The following PPP2R2B variants were observed in gnomAD, a reference collection of about 807,000 sequenced individuals.
PPP2R2B encodes serine/threonine-protein phosphatase 2A 55 kDa regulatory subunit B beta isoform.
Under a neutral mutation model 46.0 loss-of-function variants are expected in PPP2R2B, and 5 were observed. The ratio of observed to expected loss-of-function variants is 0.11; its 90% CI spans 0.06 to 0.23. PPP2R2B has a LOEUF of 0.23. Among genes scored for constraint, PPP2R2B ranks in the 10% least tolerant of loss-of-function variants. The probability of loss-of-function intolerance (pLI) is 1.00; values close to 1 mark genes in which losing one functional copy is unlikely to be tolerated. For missense variants in PPP2R2B, 367 were observed against 575.0 expected, an observed-to-expected ratio of 0.64 and a Z score of 3.70; for synonymous variants, 215 against 206.7, an observed-to-expected ratio of 1.04 and a Z score of -0.34.
At chr5:146,643,895 A>G (rs1206161387) in intron 6 of PPP2R2B, among the ~76,000 whole-genome samples, 1 of 152,246 alleles carries the variant, frequency 6.6e-6, no homozygotes, top group East Asian at 1.9e-4. Context: ...ACCATGCAGC[A>G]AGTATTTTCA....
At chr5:146,791,462 C>A (rs1342411963) in intron 2 of PPP2R2B, among the ~76,000 whole-genome samples, 1 of 151,982 alleles carries the variant, frequency 6.6e-6, no homozygotes, top group Non-Finnish European at 1.5e-5. Context: ...CTGAGCTAAT[C>A]GGCATATTCC....
rs372118507 is a variant in PPP2R2B at position 147,055,787 on chromosome 5, T to C, written c.-44A>G. On this transcript the variant is annotated 5_prime_UTR_variant, in exon 1 of 9. Transcript: ENST00000336640. ...AAATCTAAATAAAAAAACAGTCTCC[T>C]GAATCCATAAGGATTCTCTCGGCCT... 630 of 1,560,288 alleles carry C rather than the reference T, an allele frequency of 4.0e-4. 1 individual carries two copies. The highest frequency in any genetic ancestry group is 5.2e-4 in the Non-Finnish European group (596 of 1,152,732).
chr5:147,047,441 A>C (rs1756595315), intron 1 of PPP2R2B, among the ~76,000 whole-genome samples: 1 of 152,102 alleles, frequency 6.6e-6, no homozygotes, highest in African/African-American at 2.4e-5. Context: ...AATTTTAAAA[A>C]AATTTCTTAA....
At chr5:146,961,306 T>C (rs1752162839) in intron 1 of PPP2R2B, among the ~76,000 whole-genome samples, 1 of 152,224 alleles carries the variant, frequency 6.6e-6, no homozygotes, top group South Asian at 2.1e-4. Flanking sequence ...TATGACTATT[T>C]ACTTAGAATA....
rs531824632 is a variant in PPP2R2B, at chr5:146,589,495, CAAG to C, written c.*449_*451del. On this transcript the variant is annotated 3_prime_UTR_variant, in exon 10 of 10. Transcript: ENST00000394411. ...TGACTAGTTCTGGTTTTTCACAAAA[CAAG>C]AAGAATTTGTCTAAGAGTAAACGGT... The C allele has an allele frequency of 6.4e-6, 1 of 155,156 alleles. No homozygotes were observed. Among genetic ancestry groups the C allele is most frequent in the African/African-American group, 2.4e-5 (1 of 41,388 alleles). The allele number at this position is 155,156 out of a possible 1,614,324, so 9.6% of individuals were successfully genotyped here.
chr5:146,584,247 G>A lies in PPP2R2B; in HGVS notation c.*5700C>T, dbSNP rs1429282759. Reference sequence around the variant, plus strand: ...GCAGATCATGATGGTTCTGCCACCAGCAGTTTAACCAATGGGGCATGGAAT... The same window carrying A: ...GCAGATCATGATGGTTCTGCCACCAACAGTTTAACCAATGGGGCATGGAAT... On this transcript the variant is annotated 3_prime_UTR_variant, in exon 10 of 10. Coordinates refer to ENST00000394411, the MANE Select transcript of PPP2R2B (RefSeq NM_181675.4). 6.6e-6 allele frequency: 1 copy of A among 152,246 alleles called. No homozygotes were observed. The highest frequency in any genetic ancestry group is 1.5e-5 in the Non-Finnish European group (1 of 68,072). The allele number at this position is 152,246 out of a possible 1,614,324, so 9.4% of individuals were successfully genotyped here.
At chr5:146,592,924 T>G (rs1416559696) in intron 9 of PPP2R2B, 47 bp downstream of exon 9, 1 of 1,547,462 alleles carries the variant, frequency 6.5e-7, no homozygotes, top group Non-Finnish European at 8.9e-7. Context: ...CCTGAGCCTC[T>G]TCAAGACAAT....
intron 4 of PPP2R2B, among the ~76,000 whole-genome samples, chr5:146,697,064 T>C (rs867265773): frequency 1.8e-4 from 27 of 152,232 alleles, no homozygotes; most frequent in Middle Eastern, 6.3e-3. Flanking sequence ...AATATGAACA[T>C]TTCCCTTTCT....
At chr5:146,618,765 T>C (rs954879037) in intron 7 of PPP2R2B, among the ~76,000 whole-genome samples, 1 of 152,182 alleles carries the variant, frequency 6.6e-6, no homozygotes, top group Non-Finnish European at 1.5e-5. Flanking sequence ...GCATTCCTGA[T>C]GCTGGTGCTG....
At chr5:146,979,971 C>T (rs1753092297) in intron 1 of PPP2R2B, among the ~76,000 whole-genome samples, 1 of 152,130 alleles carries the variant, frequency 6.6e-6, no homozygotes, top group Non-Finnish European at 1.5e-5. Flanking sequence ...TATACAAACA[C>T]ATATGCAAAC....
intron 2 of PPP2R2B, among the ~76,000 whole-genome samples, chr5:146,713,870 T>G (rs1780339237): frequency 6.6e-6 from 1 of 152,162 alleles, no homozygotes; most frequent in African/African-American, 2.4e-5. Context: ...TGTGAGAGGT[T>G]TATAAGTACA....
At chr5:146,912,564 A>G (rs1197508692) in intron 1 of PPP2R2B, among the ~76,000 whole-genome samples, 3 of 149,468 alleles carry the variant, frequency 2.0e-5, no homozygotes, top group Non-Finnish European at 4.4e-5. Flanking sequence ...CCCAGGCTGG[A>G]GTGCAGTGGC....
At chr5:146,828,314 A>G (rs1244818069) in intron 2 of PPP2R2B, among the ~76,000 whole-genome samples, 1 of 152,082 alleles carries the variant, frequency 6.6e-6, no homozygotes, top group African/African-American at 2.4e-5. Context: ...TTAGATTAAT[A>G]CTCAGATCCA....
At chr5:146,980,656 G>C (rs982463553) in intron 1 of PPP2R2B, among the ~76,000 whole-genome samples, 2 of 151,874 alleles carry the variant, frequency 1.3e-5, no homozygotes, top group Non-Finnish European at 2.9e-5. Context: ...AATCTCTCTT[G>C]TTTTTTTATG....
chr5:146,901,917 G>A (rs1370627616), intron 1 of PPP2R2B, among the ~76,000 whole-genome samples: 2 of 152,198 alleles, frequency 1.3e-5, no homozygotes, highest in Non-Finnish European at 2.9e-5. Flanking sequence ...CAAAGTAAGT[G>A]AGAGAGGATG....
rs528681246 is a variant in PPP2R2B, at chr5:146,849,154, G to T, written c.70+28848C>A. 2.6e-5 allele frequency among the ~76,000 whole-genome samples: 4 copies of T among 152,204 alleles called. 1 individual carries two copies. In the South Asian group the frequency reaches 8.3e-4, roughly 32 times the overall value. On this transcript the variant is annotated intron_variant, in intron 2 of 9. Coordinates refer to ENST00000394411, the MANE Select transcript of PPP2R2B (RefSeq NM_181675.4). ...AGAATTCCTGGTTCCTTTTATTAAA[G>T]AATGGTTTTAGAAATCAAGATCTGG...
intron 1 of PPP2R2B, among the ~76,000 whole-genome samples, chr5:146,934,583 GAAAAAAAAAAAAAAAAA>G (rs3062352): frequency 1.3e-3 from 40 of 31,504 alleles, no homozygotes; most frequent in South Asian, 0.011. Context: ...TTTTTCATAA[GAAAAAAAAAAAAAAAAA>G]AAAAAAAAAA....
intron 7 of PPP2R2B, 145 bp downstream of exon 7, chr5:146,638,106 A>G: frequency 1.4e-6 from 1 of 693,458 alleles, no homozygotes; most frequent in Non-Finnish European, 2.2e-6. Flanking sequence ...TTACTGAAAT[A>G]TAAAATACGG....
At chr5:146,594,916 G>A (rs777771818) in intron 8 of PPP2R2B, among the ~76,000 whole-genome samples, 1 of 152,156 alleles carries the variant, frequency 6.6e-6, no homozygotes, top group Admixed American at 6.5e-5. Context: ...CTGCAACTGC[G>A]GCTCTTTCTC....
Sources: gnomAD v4.1 joint callset for allele counts (sites outside exome capture counted in the v4.1 genomes callset) on GRCh38, gnomAD v4.1.1 for gene constraint, MANE v1.5 for transcripts, NCBI Gene and HGNC (gene_info 2026-07-23, HGNC 2026-07-21) for gene names.